Variants in PDS5B observed in about 807,000 individuals in gnomAD.
PDS5B encodes the protein PDS5 cohesin associated factor B, also known as sister chromatid cohesion protein PDS5 homolog B.
Under a neutral mutation model 184.1 loss-of-function variants are expected in PDS5B, and 51 were observed. That is an observed-to-expected ratio of 0.28 (90% confidence interval 0.22 to 0.35). The LOEUF is 0.35. PDS5B is among the 10% of genes least tolerant of loss of function. The pLI is 1.00. For missense variants in PDS5B, 1,180 were observed against 1,723.3 expected (o/e 0.68, Z 5.58); for synonymous variants, 566 against 569.2 (o/e 0.99, Z 0.08).
intron 6 of PDS5B, among the ~76,000 whole-genome samples, chr13:32,660,069 A>G (rs1950603824): frequency 6.6e-6 from 1 of 152,178 alleles, no homozygotes; most frequent in Non-Finnish European, 1.5e-5. Context: ...AATAAAATCT[A>G]CAGGTCCTGG....
intron 24 of PDS5B, among the ~76,000 whole-genome samples, chr13:32,749,182 A>C (rs1164466097): frequency 1.3e-5 from 2 of 152,182 alleles, no homozygotes. Context: ...GTAGCTGAAC[A>C]GCTTTTTTTC....
intron 18 of PDS5B, among the ~76,000 whole-genome samples, chr13:32,708,877 T>G (rs1413863755): frequency 1.3e-5 from 2 of 152,118 alleles, no homozygotes; most frequent in Non-Finnish European, 2.9e-5. Flanking sequence ...TTCTCTTATA[T>G]GTAAATTATG....
At chr13:32,663,512 T>C (rs1382716372) in intron 6 of PDS5B, among the ~76,000 whole-genome samples, 5 of 152,092 alleles carry the variant, frequency 3.3e-5, no homozygotes. Flanking sequence ...TTTTAATAGA[T>C]ATAGAAAAAG....
chr13:32,623,627 A>G (rs1212957429), intron 1 of PDS5B, among the ~76,000 whole-genome samples: 3 of 152,160 alleles, frequency 2.0e-5, no homozygotes, highest in Non-Finnish European at 4.4e-5. Flanking sequence ...TAATTTCGCA[A>G]GGCAGGTTTC....
At chr13:32,593,930 C>T (rs1159637005) in intron 1 of PDS5B, among the ~76,000 whole-genome samples, 1 of 152,054 alleles carries the variant, frequency 6.6e-6, no homozygotes, top group Non-Finnish European at 1.5e-5. Context: ...TGAACCTGCA[C>T]AGTTCAAACC....
At chr13:32,717,047 G>A (rs1384799715) in intron 19 of PDS5B, among the ~76,000 whole-genome samples, 4 of 138,082 alleles carry the variant, frequency 2.9e-5, no homozygotes, top group African/African-American at 5.9e-5. Flanking sequence ...CCGGCCAGCC[G>A]CCTCGTCCGG....
At chr13:32,714,701 C>T (rs181071003) in intron 19 of PDS5B, among the ~76,000 whole-genome samples, 12 of 152,252 alleles carry the variant, frequency 7.9e-5, no homozygotes, top group East Asian at 1.9e-4. Flanking sequence ...GGCTCACCGG[C>T]GGTCAGAGTT....
chr13:32,608,924 C>T (rs1226945869), intron 1 of PDS5B, among the ~76,000 whole-genome samples: 4 of 152,190 alleles, frequency 2.6e-5, no homozygotes, highest in Admixed American at 6.5e-5. Flanking sequence ...AATGTGGCTA[C>T]TGCTTCACTT....
intron 19 of PDS5B, among the ~76,000 whole-genome samples, chr13:32,711,834 TATA>T (rs1952215084): frequency 6.6e-6 from 1 of 152,242 alleles, no homozygotes; most frequent in South Asian, 2.1e-4. Context: ...GTATAAACTG[TATA>T]TAACAGTATA....
chr13:32,641,056 CAA>C (rs71194532), intron 1 of PDS5B, among the ~76,000 whole-genome samples: 1,353 of 94,992 alleles, frequency 0.014, 16 homozygotes, highest in South Asian at 0.039. Flanking sequence ...GACTCCGTCT[CAA>C]AAAAAAAAAA....
intron 1 of PDS5B, among the ~76,000 whole-genome samples, chr13:32,641,633 C>G (rs1358334423): frequency 6.6e-6 from 1 of 151,966 alleles, no homozygotes; most frequent in Admixed American, 6.6e-5. Context: ...TCTTGACTTT[C>G]TTCTGTTTTC....
At chr13:32,635,713 T>C (rs2058541007) in intron 1 of PDS5B, among the ~76,000 whole-genome samples, 1 of 150,158 alleles carries the variant, frequency 6.7e-6, no homozygotes, top group Non-Finnish European at 1.5e-5. Context: ...AGTTTCTGGT[T>C]GGGCTAACGT....
chr13:32,728,748 C>G (rs924316513), intron 19 of PDS5B, among the ~76,000 whole-genome samples: 2 of 152,270 alleles, frequency 1.3e-5, no homozygotes, highest in East Asian at 1.9e-4. Flanking sequence ...TCTCTGCTAC[C>G]TGTTCCCTAG....
intron 1 of PDS5B, among the ~76,000 whole-genome samples, chr13:32,641,822 C>T (rs1950098135): frequency 6.6e-6 from 1 of 152,104 alleles, no homozygotes; most frequent in Non-Finnish European, 1.5e-5. Context: ...TTTTCTAGAA[C>T]TTTAGATGTA....
chr13:32,594,326 A>G (rs1379150534), intron 1 of PDS5B, among the ~76,000 whole-genome samples: 1 of 152,214 alleles, frequency 6.6e-6, no homozygotes, highest in African/African-American at 2.4e-5. Flanking sequence ...AAAATGGGAT[A>G]ATTACTGAAT....
At chr13:32,684,719 G>T (rs1008323408) in intron 11 of PDS5B, among the ~76,000 whole-genome samples, 1 of 152,208 alleles carries the variant, frequency 6.6e-6, no homozygotes, top group Admixed American at 6.5e-5. Context: ...AGTAATTTTG[G>T]TGAAGGATGA....
chr13:32,757,124 C>T (rs1954209965), intron 26 of PDS5B, among the ~76,000 whole-genome samples: 1 of 148,674 alleles, frequency 6.7e-6, no homozygotes, highest in South Asian at 2.1e-4. Flanking sequence ...GAGACTCTGT[C>T]TCTATTAAAA....
At chr13:32,734,065 T>C (rs1183536884) in intron 20 of PDS5B, among the ~76,000 whole-genome samples, 1 of 151,770 alleles carries the variant, frequency 6.6e-6, no homozygotes, top group Non-Finnish European at 1.5e-5. Context: ...TCTTGCTCTG[T>C]CATCCAGGCT....
At chr13:32,663,015 C>T (rs1950689262) in intron 6 of PDS5B, among the ~76,000 whole-genome samples, 1 of 151,946 alleles carries the variant, frequency 6.6e-6, no homozygotes, top group South Asian at 2.1e-4. Context: ...GCAAATTTGT[C>T]TTGAGAGAAA....
Sources: allele counts gnomAD v4.1 joint callset (sites outside exome capture counted in the v4.1 genomes callset), GRCh38; gene constraint gnomAD v4.1.1; transcripts MANE v1.5; gene names NCBI Gene and HGNC (gene_info 2026-07-23, HGNC 2026-07-21).